The following BRI3BP variants were observed in gnomAD, a reference collection of about 807,000 sequenced individuals.
BRI3BP encodes the protein BRI3 binding protein, also known as BRI3-binding protein.
Under a neutral mutation model 15.8 loss-of-function variants are expected in BRI3BP, and 7 were observed. The ratio of observed to expected loss-of-function variants is 0.44; its 90% CI spans 0.25 to 0.83. The LOEUF is 0.83. Ranked by LOEUF, BRI3BP falls within the 40% of genes least tolerant of loss-of-function variation. The pLI, the probability that BRI3BP is intolerant of heterozygous loss-of-function variation, is 0.20. For synonymous variants in BRI3BP, 192 were observed against 163.5 expected (o/e 1.17, Z -1.33); for missense variants, 320 against 339.3 (o/e 0.94, Z 0.45).
chr12:125,028,320 G>A lies in BRI3BP; in HGVS notation c.*2890G>A, dbSNP rs993239766. 2 of 152,140 alleles carry A rather than the reference G, an allele frequency of 1.3e-5. No homozygotes were observed. The highest frequency in any genetic ancestry group is 2.9e-5 in the Non-Finnish European group (2 of 68,026). 9.4% of individuals were successfully genotyped at this position (152,140 alleles called of 1,614,324 possible). A position where few individuals can be genotyped will look rare whatever the true frequency, so the allele number is the denominator to read the frequency against. On this transcript the variant is annotated 3_prime_UTR_variant, in exon 3 of 3. Coordinates refer to ENST00000341446, the MANE Select transcript of BRI3BP (RefSeq NM_080626.6). ...TGTCACTGGGCTGGGTGTAATACCC[G>A]CTTCATTCCTCCTCCCACCCTCTTA...
intron 1 of BRI3BP, among the ~76,000 whole-genome samples, chr12:125,007,633 T>G (rs998188988): frequency 1.3e-5 from 2 of 151,670 alleles, no homozygotes; most frequent in African/African-American, 4.8e-5. Context: ...GTGGGAGGAT[T>G]GCTTGAACCC....
chr12:125,038,752 C>T, the BRI3BP span, among the ~76,000 whole-genome samples: 7 of 143,556 alleles, frequency 4.9e-5, no homozygotes, highest in Non-Finnish European at 7.6e-5. Flanking sequence ...GTGACAAGAG[C>T]GAAACTTCAT....
chr12:124,998,183 T>C (rs1955056388), intron 1 of BRI3BP, among the ~76,000 whole-genome samples: 1 of 151,414 alleles, frequency 6.6e-6, no homozygotes, highest in Admixed American at 6.6e-5. Context: ...TCCCAGCTAC[T>C]TGGGAGGCTG....
intron 1 of BRI3BP, among the ~76,000 whole-genome samples, chr12:125,001,207 A>G (rs754285955): frequency 1.3e-5 from 2 of 151,612 alleles, no homozygotes; most frequent in Non-Finnish European, 2.9e-5. Context: ...GGTGCCCGCC[A>G]TCACGCCCGG....
chr12:125,049,990 T>TGCCAGGAGTCTTCC, the BRI3BP span, among the ~76,000 whole-genome samples: 1 of 152,188 alleles, frequency 6.6e-6, no homozygotes, highest in Admixed American at 6.5e-5. Flanking sequence ...CGAGCAGCTT[T>TGCCAGGAGTCTTCC]GCCAGGAGTC....
rs1433061787 is a variant in BRI3BP at position 124,993,862 on chromosome 12, G to C, written c.72G>C (p.Leu24=). ...GLLLLLLLLL[L]LGLLAPGAQG... ...TGCTGCTGCTGCTGCTGCTGCTGCT[G>C]CTCGGGCTGCTGGCCCCGGGCGCGC... is the stretch of plus-strand genomic sequence containing the variant. The change falls in exon 1 of 3, where the codon CTG becomes CTC. Residue 24 remains leucine, a synonymous_variant. Transcript: ENST00000341446. 23 of 1,220,434 alleles carry C rather than the reference G, an allele frequency of 1.9e-5. No individual in the cohort carries two copies. The highest frequency in any genetic ancestry group is 2.2e-5 in the Non-Finnish European group (21 of 975,406). 75.6% of individuals were successfully genotyped at this position (1,220,434 alleles called of 1,614,324 possible).
the BRI3BP span, among the ~76,000 whole-genome samples, chr12:125,045,685 C>G: frequency 6.6e-6 from 1 of 152,162 alleles, no homozygotes; most frequent in Non-Finnish European, 1.5e-5. Context: ...ACCTGTCAGA[C>G]TTATGTGTAA....
chr12:125,024,318 C>CA (rs1955328261), intron 2 of BRI3BP, among the ~76,000 whole-genome samples: 1 of 44,682 alleles, frequency 2.2e-5, no homozygotes, highest in South Asian at 7.5e-4. Flanking sequence ...GATCCAATCA[C>CA]CCCCCACGAG....
intron 2 of BRI3BP, among the ~76,000 whole-genome samples, chr12:125,015,898 C>T (rs575778499): frequency 9.8e-5 from 15 of 152,326 alleles, no homozygotes; most frequent in South Asian, 4.1e-4. Flanking sequence ...ATGCAGCCAC[C>T]GCGTGCAATC....
chr12:125,012,605 G>T lies in BRI3BP; in HGVS notation c.285G>T (p.Trp95Cys). 6.2e-7 allele frequency: 1 copy of T among 1,612,100 alleles called. No homozygotes were observed. Among genetic ancestry groups the T allele is most frequent in the South Asian group, 1.1e-5 (1 of 91,018 alleles). Residue 95 changes from tryptophan (W) to cysteine (C), a missense_variant, in exon 2 of 3, where the codon TGG becomes TGT. By Grantham distance (215) the Trp-to-Cys change is radical (BLOSUM62 -2). Transcript: ENST00000341446. ...DMFVETLWKVWTELLDVLGLD... is the reference protein window; with the variant it reads ...DMFVETLWKVCTELLDVLGLD... The stretch of plus-strand genomic sequence containing the variant: ...TCGTGGAGACACTGTGGAAAGTCTG[G>T]ACCGAGCTCTTGGATGTTCTTGGAC...
intron 2 of BRI3BP, among the ~76,000 whole-genome samples, chr12:125,019,646 TTTTTTTTTTTTGCC>T (rs1357906375): frequency 2.2e-4 from 6 of 27,890 alleles, no homozygotes; most frequent in Non-Finnish European, 3.6e-4. Context: ...TTTTTTTTTT[TTTTTTTTTTTTGCC>T]TTTTTTGCTG....
chr12:125,002,699 A>C (rs6488973), intron 1 of BRI3BP, among the ~76,000 whole-genome samples: 2 of 151,984 alleles, frequency 1.3e-5, no homozygotes, highest in African/African-American at 2.4e-5. Flanking sequence ...CTCGTGATCC[A>C]CTCACCTTGG....
chr12:125,000,137 A>G (rs1243930837), intron 1 of BRI3BP, among the ~76,000 whole-genome samples: 20 of 146,842 alleles, frequency 1.4e-4, no homozygotes, highest in African/African-American at 5.0e-4. Context: ...TTTGAGCAAA[A>G]TAACTTTGAC....
chr12:125,022,019 G>T (rs1463208983), intron 2 of BRI3BP, among the ~76,000 whole-genome samples: 1 of 150,748 alleles, frequency 6.6e-6, no homozygotes, highest in Non-Finnish European at 1.5e-5. Context: ...GGTCAAGGCT[G>T]CAGTGAGCCG....
At chr12:125,024,229 CA>C (rs1014709697) in intron 2 of BRI3BP, among the ~76,000 whole-genome samples, 1 of 150,488 alleles carries the variant, frequency 6.6e-6, no homozygotes, top group Non-Finnish European at 1.5e-5. Context: ...GGGCAGCTGC[CA>C]AACACTTAAA....
intron 2 of BRI3BP, among the ~76,000 whole-genome samples, chr12:125,022,000 A>G (rs923208547): frequency 2.6e-5 from 4 of 151,230 alleles, no homozygotes; most frequent in African/African-American, 7.3e-5. Context: ...GGATCGCTTG[A>G]GCCCAAAAGG....
chr12:125,024,761 T>A (rs1218352024), intron 2 of BRI3BP, among the ~76,000 whole-genome samples: 1 of 152,006 alleles, frequency 6.6e-6, no homozygotes, highest in Non-Finnish European at 1.5e-5. Context: ...ATCACACCAT[T>A]GCACTCCAGC....
rs1229697281 is a variant in BRI3BP at position 125,000,047 on chromosome 12, A to T, written c.213+6044A>T. The stretch of plus-strand genomic sequence containing the variant: ...TTTTTTTTTTTTTGCCGTTCTATTG[A>T]GCTGTTGGGTTCTTTTGTTTTTGCT... On this transcript the variant is annotated intron_variant, in intron 1 of 2. Coordinates refer to ENST00000341446, the MANE Select transcript of BRI3BP (RefSeq NM_080626.6). 2.1e-4 allele frequency among the ~76,000 whole-genome samples: 10 copies of T among 47,882 alleles called. No homozygotes were observed. The South Asian group carries it at 2.2e-3, about 11-fold the overall frequency. 31.4% of individuals were successfully genotyped at this position (47,882 alleles called of 152,430 possible).
chr12:125,043,450 C>G, the BRI3BP span, among the ~76,000 whole-genome samples: 1 of 152,078 alleles, frequency 6.6e-6, no homozygotes, highest in Non-Finnish European at 1.5e-5. Context: ...TCTGGCCAGG[C>G]GTCGTGGCTT....
Sources: allele counts gnomAD v4.1 joint callset (sites outside exome capture counted in the v4.1 genomes callset), GRCh38; gene constraint gnomAD v4.1.1; transcripts MANE v1.5; gene names NCBI Gene and HGNC (gene_info 2026-07-23, HGNC 2026-07-21).